Variants in SLC26A4 observed in about 807,000 individuals in gnomAD.
The protein encoded by SLC26A4 is pendrin.
Under a neutral mutation model 90.4 loss-of-function variants are expected in SLC26A4, and 93 were observed. That is an observed-to-expected ratio of 1.03 (90% CI 0.87 to 1.22). The LOEUF is 1.22. Ranked by LOEUF, SLC26A4 falls within the 50% of genes most tolerant of loss-of-function variation. The probability of loss-of-function intolerance (pLI) is 0.00; values close to 1 mark genes in which losing one functional copy is unlikely to be tolerated. For synonymous variants in SLC26A4, 393 were observed against 354.6 expected (o/e 1.11, Z -1.22); for missense variants, 1,127 against 946.2 (o/e 1.19, Z -2.51).
At chr7:107,666,128 A>T (rs1352213661) in intron 3 of SLC26A4, among the ~76,000 whole-genome samples, 1 of 152,256 alleles carries the variant, frequency 6.6e-6, no homozygotes, top group Non-Finnish European at 1.5e-5. Flanking sequence ...TGGGAATTAA[A>T]TAAGTAGATA....
At chr7:107,670,137 T>A (rs1790824049) in intron 3 of SLC26A4, among the ~76,000 whole-genome samples, 1 of 145,172 alleles carries the variant, frequency 6.9e-6, no homozygotes, top group African/African-American at 2.6e-5. Flanking sequence ...TGAGATGGAG[T>A]CTTGCTCTGT....
chr7:107,698,070 C>G lies in SLC26A4; in HGVS notation c.1573C>G (p.Pro525Ala). Residue 525 changes from proline to alanine, a missense_variant, in exon 14 of 21, where the codon CCT becomes GCT. Physicochemically the swap from Pro to Ala is conservative, Grantham distance 27. Coordinates refer to ENST00000644269, the MANE Select transcript of SLC26A4 (RefSeq NM_000441.2). ...TTCTTGGAATGGCCTTGGAAGCATC[C>G]CTAGCACAGATATCTACAAAAGTAC... is the stretch of plus-strand genomic sequence containing the variant. ...FPSWNGLGSI[P>A]STDIYKSTKN... 6.2e-7 allele frequency: 1 copy of G among 1,610,246 alleles called. No homozygotes were observed.
chr7:107,670,471 A>C (rs1369258102), intron 3 of SLC26A4, among the ~76,000 whole-genome samples: 1 of 152,062 alleles, frequency 6.6e-6, no homozygotes, highest in Admixed American at 6.5e-5. Flanking sequence ...TTTACAAAAG[A>C]GGAAGCATAC....
chr7:107,696,569 A>G (rs1290758607), intron 13 of SLC26A4, among the ~76,000 whole-genome samples: 2 of 152,232 alleles, frequency 1.3e-5, no homozygotes, highest in Non-Finnish European at 2.9e-5. Context: ...GGACTTTAAA[A>G]TAGCTGATGA....
Position 107,680,326 on chromosome 7 carries a change from CTTATCTTATTATATAATG to C in SLC26A4, c.766-2871_766-2854del, listed in dbSNP as rs1584314494. On this transcript the variant is annotated intron_variant, in intron 6 of 20. Transcript: ENST00000644269. The stretch of plus-strand genomic sequence containing the variant: ...ATATAATCTTATATTATTATATAAT[CTTATCTTATTATATAATG>C]TTATATTATTATATAATCTTATCTT... 1.2e-4 allele frequency among the ~76,000 whole-genome samples: 16 copies of C among 134,726 alleles called. 1 individual carries two copies. In the East Asian group the frequency reaches 2.2e-3, roughly 19 times the overall value. The allele number at this position is 134,726 out of a possible 152,430, so 88.4% of individuals were successfully genotyped here.
chr7:107,706,437 C>G (rs1465722071), intron 18 of SLC26A4, among the ~76,000 whole-genome samples: 1 of 152,190 alleles, frequency 6.6e-6, no homozygotes, highest in Non-Finnish European at 1.5e-5. Context: ...ATAGCCTGGA[C>G]AACACAGTGA....
At chr7:107,663,562 T>C in intron 3 of SLC26A4, 127 bp downstream of exon 3, 1 of 1,022,950 alleles carries the variant, frequency 9.8e-7, no homozygotes, top group Non-Finnish European at 1.5e-6. Context: ...TAGAGCCCCT[T>C]AGTGGAGAGA....
intron 19 of SLC26A4, among the ~76,000 whole-genome samples, chr7:107,711,586 G>T (rs1419293323): frequency 1.3e-5 from 2 of 152,104 alleles, no homozygotes; most frequent in African/African-American, 2.4e-5. Flanking sequence ...GACATTCCTG[G>T]TGGCCTGTGA....
At chr7:107,699,023 T>C (rs1265472414) in intron 14 of SLC26A4, among the ~76,000 whole-genome samples, 1 of 152,186 alleles carries the variant, frequency 6.6e-6, no homozygotes, top group Non-Finnish European at 1.5e-5. Flanking sequence ...TGTAGTCTAA[T>C]TTTACCTTAA....
intron 18 of SLC26A4, among the ~76,000 whole-genome samples, chr7:107,704,824 A>G (rs1791997332): frequency 1.3e-5 from 2 of 152,182 alleles, no homozygotes; most frequent in Non-Finnish European, 2.9e-5. Context: ...GAAATTTGCT[A>G]TTACCTCTCT....
chr7:107,710,468 T>C (rs1156856387), intron 19 of SLC26A4, among the ~76,000 whole-genome samples: 3 of 152,236 alleles, frequency 2.0e-5, no homozygotes, highest in African/African-American at 7.2e-5. Flanking sequence ...TTAATAAAAG[T>C]GGGCATTAGC....
chr7:107,695,895 A>C, intron 12 of SLC26A4, 38 bp from the exon 13 acceptor site: 2 of 968,460 alleles, frequency 2.1e-6, no homozygotes, highest in East Asian at 2.4e-5. Context: ...TACCTGATAC[A>C]TTAATATAAT....
chr7:107,664,013 A>G (rs1344537278), intron 3 of SLC26A4, among the ~76,000 whole-genome samples: 1 of 152,176 alleles, frequency 6.6e-6, no homozygotes, highest in African/African-American at 2.4e-5. Flanking sequence ...CCACAATTCA[A>G]TAAGAAATGT....
At chr7:107,670,255 C>T (rs905325331) in intron 3 of SLC26A4, among the ~76,000 whole-genome samples, 1 of 151,860 alleles carries the variant, frequency 6.6e-6, no homozygotes, top group Non-Finnish European at 1.5e-5. Flanking sequence ...ATTACAGGTG[C>T]CTACCCCCAT....
intron 10 of SLC26A4, chr7:107,691,970 T>G: frequency 7.8e-7 from 1 of 1,288,260 alleles, no homozygotes; most frequent in Non-Finnish European, 1.0e-6. Context: ...ACTGACAAGC[T>G]CTCCAGAGCA....
At position 107,710,173 on chromosome 7, in the gene SLC26A4, G is replaced by C. The variant is rs773036262; in HGVS notation, c.2209G>C (p.Glu737Gln). 11 of 1,606,878 alleles carry C rather than the reference G, an allele frequency of 6.8e-6. No homozygotes were observed. The South Asian group carries it at 1.2e-4, about 18-fold the overall frequency. ...TCTACAGAACCAAGTGAAATCTCAAGAGGGTCAAGGTTCCATTTTAGAAAC... is the reference window on the plus strand; with the variant it reads ...TCTACAGAACCAAGTGAAATCTCAACAGGGTCAAGGTTCCATTTTAGAAAC... ...LYLQNQVKSQ[E>Q]GQGSILETIT... The change falls in exon 19 of 21, where the codon GAG becomes CAG. Residue 737 changes from glutamate to glutamine, a missense_variant. Physicochemically the swap from Glu to Gln is conservative, Grantham distance 29. Transcript: ENST00000644269.
intron 3 of SLC26A4, 27 bp from the exon 4 acceptor site, chr7:107,672,111 A>C: frequency 7.1e-7 from 1 of 1,406,328 alleles, no homozygotes; most frequent in South Asian, 1.1e-5. Context: ...TGGTTTGTGA[A>C]TGTAATCACT....
At chr7:107,686,765 T>C (rs1482816435) in intron 8 of SLC26A4, among the ~76,000 whole-genome samples, 1 of 152,110 alleles carries the variant, frequency 6.6e-6, no homozygotes, top group African/African-American at 2.4e-5. Flanking sequence ...CAGGCACTGT[T>C]ATAGACCCCT....
chr7:107,674,361 C>T lies in SLC26A4; in HGVS notation c.600+13C>T, dbSNP rs761675850. The T allele has an allele frequency of 1.3e-6, 2 of 1,575,488 alleles. No individual in the cohort carries two copies. Among genetic ancestry groups the T allele is most frequent in the Non-Finnish European group, 1.7e-6 (2 of 1,144,790 alleles). On this transcript the variant is annotated intron_variant, in intron 5 of 20. Coordinates refer to ENST00000644269, the MANE Select transcript of SLC26A4 (RefSeq NM_000441.2). Reference sequence around the variant, plus strand: ...TGGAATTATACAGGTAATGAACTTACAAGTAAAATATAGATGGATGTAATT... The same window carrying T: ...TGGAATTATACAGGTAATGAACTTATAAGTAAAATATAGATGGATGTAATT...
Sources: gnomAD v4.1 joint callset for allele counts (sites outside exome capture counted in the v4.1 genomes callset) on GRCh38, gnomAD v4.1.1 for gene constraint, MANE v1.5 for transcripts, NCBI Gene and HGNC (gene_info 2026-07-23, HGNC 2026-07-21) for gene names.